Variants in DAB1 observed in about 807,000 individuals in gnomAD.
The protein encoded by DAB1 is disabled homolog 1.
A neutral mutation model predicts 64.6 loss-of-function variants in DAB1; 15 were observed. The ratio of observed to expected loss-of-function variants is 0.23; its 90% CI spans 0.16 to 0.36. DAB1 has a LOEUF of 0.36. Among genes scored for constraint, DAB1 ranks in the 10% least tolerant of loss-of-function variants. The pLI is 1.00. For missense variants in DAB1, 596 were observed against 706.7 expected (o/e 0.84, Z 1.78); for synonymous variants, 235 against 251.9 (o/e 0.93, Z 0.64).
At chr1:58,413,304 A>G (rs1336779765) in intron 3 of DAB1, among the ~76,000 whole-genome samples, 1 of 152,228 alleles carries the variant, frequency 6.6e-6, no homozygotes. Flanking sequence ...AGCAGGCACC[A>G]TGCTAGGTAA....
At chr1:57,489,883 CCT>C (rs1451818685) in intron 7 of DAB1, among the ~76,000 whole-genome samples, 2 of 152,036 alleles carry the variant, frequency 1.3e-5, no homozygotes, top group Admixed American at 6.6e-5. Flanking sequence ...GTTTATGTCC[CCT>C]CTCTGTTAAA....
intron 1 of DAB1, among the ~76,000 whole-genome samples, chr1:57,335,753 G>A (rs1469857206): frequency 6.6e-6 from 1 of 152,174 alleles, no homozygotes. Context: ...AATCCACATA[G>A]TGTAGATACC....
intron 1 of DAB1, among the ~76,000 whole-genome samples, chr1:57,881,842 A>C (rs1464541440): frequency 6.6e-6 from 1 of 152,158 alleles, no homozygotes; most frequent in Non-Finnish European, 1.5e-5. Flanking sequence ...TCACCACAAT[A>C]TTTTACAGTG....
chr1:58,447,163 T>C (rs909876674), intron 3 of DAB1, among the ~76,000 whole-genome samples: 1 of 152,238 alleles, frequency 6.6e-6, no homozygotes, highest in African/African-American at 2.4e-5. Context: ...ATCAGTCACC[T>C]AGAGCCTGTA....
chr1:58,498,070 A>G (rs1023681425), intron 3 of DAB1, among the ~76,000 whole-genome samples: 2 of 152,168 alleles, frequency 1.3e-5, no homozygotes, highest in Non-Finnish European at 1.5e-5. Flanking sequence ...TCTGGGCTTT[A>G]TATCAAAATA....
At chr1:57,738,492 C>T (rs190887963) in intron 6 of DAB1, among the ~76,000 whole-genome samples, 1 of 152,172 alleles carries the variant, frequency 6.6e-6, no homozygotes, top group African/African-American at 2.4e-5. Context: ...ACCCACAACC[C>T]CACACATACC....
At chr1:57,420,686 C>T (rs889654119) in intron 1 of DAB1, among the ~76,000 whole-genome samples, 1 of 152,144 alleles carries the variant, frequency 6.6e-6, no homozygotes, top group Non-Finnish European at 1.5e-5. Context: ...CTGCTATGTG[C>T]CAAAGCACCC....
At chr1:57,998,833 CT>C (rs1445598311) in intron 5 of DAB1, among the ~76,000 whole-genome samples, 1 of 152,206 alleles carries the variant, frequency 6.6e-6, no homozygotes, top group Admixed American at 6.5e-5. Context: ...CACAGATACT[CT>C]TTCTTGTGGA....
chr1:58,179,344 C>T (rs1343004218), intron 4 of DAB1, among the ~76,000 whole-genome samples: 1 of 152,030 alleles, frequency 6.6e-6, no homozygotes, highest in African/African-American at 2.4e-5. Flanking sequence ...TTAACACTGG[C>T]CTCATAAAAA....
At chr1:57,176,874 G>A (rs896154669) in intron 2 of DAB1, among the ~76,000 whole-genome samples, 9 of 143,454 alleles carry the variant, frequency 6.3e-5, no homozygotes, top group African/African-American at 2.3e-4. Flanking sequence ...TGTCCATGGA[G>A]AATAGCAGAA....
At chr1:57,298,603 C>T (rs193009397) in intron 1 of DAB1, among the ~76,000 whole-genome samples, 6 of 151,922 alleles carry the variant, frequency 3.9e-5, no homozygotes, top group Admixed American at 2.6e-4. Context: ...CTCATCTTCA[C>T]GATGTGGCAT....
chr1:58,165,783 A>T (rs1655798937), intron 4 of DAB1, among the ~76,000 whole-genome samples: 1 of 152,178 alleles, frequency 6.6e-6, no homozygotes, highest in South Asian at 2.1e-4. Flanking sequence ...TGTTTTAACC[A>T]CTGTTGTAAA....
At chr1:58,057,058 T>G (rs1048756374) in intron 5 of DAB1, among the ~76,000 whole-genome samples, 1 of 152,100 alleles carries the variant, frequency 6.6e-6, no homozygotes, top group East Asian at 1.9e-4. Context: ...ACTAGGACCC[T>G]AATTGATGAC....
chr1:58,470,991 A>G (rs1645351334), intron 3 of DAB1, among the ~76,000 whole-genome samples: 1 of 152,158 alleles, frequency 6.6e-6, no homozygotes, highest in African/African-American at 2.4e-5. Flanking sequence ...AAGGGATTTA[A>G]TTTTTTTAAG....
chr1:57,209,229 G>T lies in DAB1; in HGVS notation c.68-63800C>A, dbSNP rs145376970. Among the ~76,000 whole-genome samples the T allele has an allele frequency of 7.1e-3, 1,077 of 152,326 alleles. 18 individuals are homozygous for T. The highest frequency in any genetic ancestry group is 0.024 in the African/African-American group (983 of 41,574). On this transcript the variant is annotated intron_variant, in intron 2 of 14. Transcript: ENST00000371236. ...CAGGGAAGTTGCATTACTGCACTGA[G>T]TGTTTCTAGCTTGGGTTTTTATTCA...
intron 4 of DAB1, among the ~76,000 whole-genome samples, chr1:57,128,802 T>G: frequency 6.6e-6 from 1 of 152,164 alleles, no homozygotes; most frequent in African/African-American, 2.4e-5. Context: ...GCAGTCTGAC[T>G]TCTCCCCTGG....
At chr1:58,452,958 G>C (rs932734176) in intron 3 of DAB1, among the ~76,000 whole-genome samples, 2 of 152,034 alleles carry the variant, frequency 1.3e-5, no homozygotes, top group African/African-American at 4.8e-5. Context: ...ACAAAATCCT[G>C]TACATAAATG....
chr1:58,223,127 C>T (rs149236780), intron 4 of DAB1, among the ~76,000 whole-genome samples: 34 of 152,222 alleles, frequency 2.2e-4, no homozygotes, highest in African/African-American at 8.2e-4. Flanking sequence ...CCACCAGCAC[C>T]AATCTCAGGG....
At chr1:57,528,799 C>T (rs889860147) in intron 7 of DAB1, among the ~76,000 whole-genome samples, 3 of 151,548 alleles carry the variant, frequency 2.0e-5, no homozygotes, top group African/African-American at 7.3e-5. Flanking sequence ...GCCTGTCAAT[C>T]GAAAATTCTC....
Sources: gnomAD v4.1 joint callset for allele counts (sites outside exome capture counted in the v4.1 genomes callset) on GRCh38, gnomAD v4.1.1 for gene constraint, MANE v1.5 for transcripts, NCBI Gene and HGNC (gene_info 2026-07-23, HGNC 2026-07-21) for gene names.